STAG1: variants seen among roughly 807,000 people sequenced by gnomAD.
STAG1 encodes STAG1 cohesin complex component, also known as cohesin subunit SA-1.
A neutral mutation model predicts 170.9 loss-of-function variants in STAG1; 26 were observed. The ratio of observed to expected loss-of-function variants is 0.15; its 90% confidence interval spans 0.11 to 0.21. STAG1 has a LOEUF of 0.21. Ranked by LOEUF, STAG1 falls within the 10% of genes least tolerant of loss-of-function variation. The pLI is 1.00. For synonymous variants in STAG1, 514 were observed against 497.7 expected, an observed-to-expected ratio of 1.03 and a Z score of -0.44; for missense variants, 964 against 1,509.5, an observed-to-expected ratio of 0.64 and a Z score of 5.99.
At chr3:136,425,715 T>C (rs993269814) in intron 16 of STAG1, among the ~76,000 whole-genome samples, 2 of 149,684 alleles carry the variant, frequency 1.3e-5, no homozygotes, top group African/African-American at 2.4e-5. Flanking sequence ...TATGTTTATA[T>C]ATATGTATAT....
Position 136,472,500 on chromosome 3 carries a change from A to T in STAG1, c.1126-8T>A. On this transcript the variant is annotated splice_polypyrimidine_tract_variant and splice_region_variant and intron_variant, in intron 11 of 33. Coordinates refer to ENST00000383202, the MANE Select transcript of STAG1 (RefSeq NM_005862.3). ...CATTGATACAATGCGATCCTGAGAA[A>T]AAAAAGTTGTAAAACAAACCAACTA... 6.2e-7 allele frequency: 1 copy of T among 1,610,218 alleles called. No individual in the cohort carries two copies. The highest frequency in any genetic ancestry group is 8.5e-7 in the Non-Finnish European group (1 of 1,177,854).
intron 6 of STAG1, among the ~76,000 whole-genome samples, chr3:136,535,221 T>C (rs1387199793): frequency 3.3e-5 from 5 of 152,166 alleles, no homozygotes; most frequent in African/African-American, 1.2e-4. Flanking sequence ...GAATGATAGA[T>C]GCCAGAGGGA....
intron 1 of STAG1, among the ~76,000 whole-genome samples, chr3:136,676,234 C>T (rs1460529467): frequency 2.0e-5 from 3 of 152,146 alleles, no homozygotes; most frequent in Non-Finnish European, 4.4e-5. Context: ...AATGTGAAGG[C>T]CTAAGACATT....
At chr3:136,388,513 C>A (rs559491953) in intron 22 of STAG1, among the ~76,000 whole-genome samples, 178 of 152,208 alleles carry the variant, frequency 1.2e-3, no homozygotes, top group African/African-American at 3.9e-3. Context: ...GGATTACAGG[C>A]ACACACCACC....
At chr3:136,443,797 C>A (rs2088699716) in intron 14 of STAG1, among the ~76,000 whole-genome samples, 1 of 152,094 alleles carries the variant, frequency 6.6e-6, no homozygotes, top group Non-Finnish European at 1.5e-5. Context: ...CCTTGGAATT[C>A]CATTAGAAAC....
intron 1 of STAG1, among the ~76,000 whole-genome samples, chr3:136,640,139 C>A (rs1162580245): frequency 6.6e-6 from 1 of 152,104 alleles, no homozygotes; most frequent in East Asian, 1.9e-4. Context: ...TTAATAAATT[C>A]TATGGCTAAA....
Position 136,418,932 on chromosome 3 carries a change from C to T in STAG1, c.2109-960G>A, listed in dbSNP as rs148768711. Among the ~76,000 whole-genome samples the T allele has an allele frequency of 6.3e-3, 958 of 152,072 alleles. 11 individuals carry two copies. The highest frequency in any genetic ancestry group is 0.022 in the African/African-American group (910 of 41,466). The stretch of plus-strand genomic sequence containing the variant: ...CTGGGATTATAGGTGTGAGCCACCG[C>T]GTCAGGCCTATTTAAAAGTACATTT... On this transcript the variant is annotated intron_variant, in intron 20 of 33. Coordinates refer to ENST00000383202, the MANE Select transcript of STAG1 (RefSeq NM_005862.3).
At chr3:136,362,605 C>CAAAAAAAAAAAAAAAAA (rs1237413699) in intron 26 of STAG1, among the ~76,000 whole-genome samples, 92 of 41,418 alleles carry the variant, frequency 2.2e-3, no homozygotes, top group East Asian at 3.6e-3. Flanking sequence ...ATCATCTCTG[C>CAAAAAAAAAAAAAAAAA]AAAAAAAAAA....
chr3:136,626,086 C>G lies in STAG1; in HGVS notation c.30-2838G>C, dbSNP rs1450349736. Among the ~76,000 whole-genome samples, 13 of 151,284 alleles carry G rather than the reference C, an allele frequency of 8.6e-5. No homozygotes were observed. The East Asian group carries it at 2.5e-3, about 30-fold the overall frequency. ...ACAAAACAAAACAACAAAAATGAAA[C>G]TATAAATAATATTGTAAATGATGTC... is the stretch of plus-strand genomic sequence containing the variant. On this transcript the variant is annotated intron_variant, in intron 2 of 33. Coordinates refer to ENST00000383202, the MANE Select transcript of STAG1 (RefSeq NM_005862.3).
intron 5 of STAG1, among the ~76,000 whole-genome samples, chr3:136,554,256 G>A (rs1054917783): frequency 6.6e-6 from 1 of 152,074 alleles, no homozygotes; most frequent in African/African-American, 2.4e-5. Context: ...TAAGGAAGGG[G>A]AAAGGCAGTT....
chr3:136,386,934 T>C (rs927674924), intron 22 of STAG1, among the ~76,000 whole-genome samples: 1 of 152,030 alleles, frequency 6.6e-6, no homozygotes, highest in African/African-American at 2.4e-5. Context: ...TGGGCAGAAA[T>C]AAACAGTAAA....
intron 2 of STAG1, among the ~76,000 whole-genome samples, chr3:136,626,629 G>A (rs769104969): frequency 1.1e-4 from 17 of 152,012 alleles, no homozygotes; most frequent in Admixed American, 3.9e-4. Flanking sequence ...TTGCCAACCC[G>A]GATCCAGTCA....
At chr3:136,701,733 T>C (rs1943068084) in intron 1 of STAG1, among the ~76,000 whole-genome samples, 1 of 152,140 alleles carries the variant, frequency 6.6e-6, no homozygotes, top group Non-Finnish European at 1.5e-5. Flanking sequence ...AATCACTCAA[T>C]AAAAGGCAGT....
intron 5 of STAG1, among the ~76,000 whole-genome samples, chr3:136,558,876 T>A (rs930928116): frequency 2.1e-4 from 32 of 152,212 alleles, no homozygotes; most frequent in African/African-American, 7.7e-4. Context: ...ATGGGAAATA[T>A]AAATTAACTG....
At chr3:136,346,808 T>C (rs986683119) in intron 29 of STAG1, among the ~76,000 whole-genome samples, 6 of 152,202 alleles carry the variant, frequency 3.9e-5, no homozygotes, top group African/African-American at 7.2e-5. Flanking sequence ...GAATATTACA[T>C]TGAAGAATGG....
rs749407381 is a variant in STAG1, at chr3:136,542,157, C to A, written c.433G>T (p.Ala145Ser). 1.2e-6 allele frequency: 2 copies of A among 1,610,246 alleles called. No individual in the cohort carries two copies. ...TCAGTCATTTTTCTGATGATTTCTG[C>A]ATTCTGCATATTTCGAAACATCTCT... ...RIEMFRNMQN[A>S]EIIRKMTEEF... Residue 145 changes from alanine (A) to serine (S), a missense_variant, in exon 6 of 34, where the codon GCA (alanine) becomes TCA (serine). Around this residue, in one of 11 missense-constraint regions of STAG1, gnomAD observed 33 missense variants for 86.0 expected, o/e 0.38. Transcript: ENST00000383202.
chr3:136,428,324 C>T (rs2088193890), intron 16 of STAG1, among the ~76,000 whole-genome samples: 1 of 152,114 alleles, frequency 6.6e-6, no homozygotes, highest in African/African-American at 2.4e-5. Context: ...AACAAGGACC[C>T]CTTTTCTGGA....
chr3:136,347,162 A>G (rs919688768), intron 29 of STAG1, among the ~76,000 whole-genome samples: 2 of 151,360 alleles, frequency 1.3e-5, no homozygotes, highest in African/African-American at 4.9e-5. Context: ...TGAGAAGCCA[A>G]GGTGGGTGGA....
intron 1 of STAG1, among the ~76,000 whole-genome samples, chr3:136,643,553 G>C (rs1576706344): frequency 6.6e-6 from 1 of 152,152 alleles, no homozygotes; most frequent in East Asian, 1.9e-4. Flanking sequence ...CTGTTGTCCA[G>C]GCTGGAGTGC....
Sources: allele counts gnomAD v4.1 joint callset (sites outside exome capture counted in the v4.1 genomes callset), GRCh38; gene constraint gnomAD v4.1.1; regional missense constraint gnomAD v4.1.1; transcripts MANE v1.5; gene names NCBI Gene and HGNC (gene_info 2026-07-23, HGNC 2026-07-21).